Variants in SPMAP1 observed in about 807,000 individuals in gnomAD.
SPMAP1 encodes uncharacterized protein C17orf98.
At chr17:38,835,452 A>T in the SPMAP1 span, 1 of 1,203,636 alleles carries the variant, frequency 8.3e-7, no homozygotes, top group Non-Finnish European at 1.2e-6. Flanking sequence ...AGTCACTTGC[A>T]TTCCCCATGC....
At chr17:38,840,617 C>CAAAAAA in the SPMAP1 span, among the ~76,000 whole-genome samples, 75 of 48,722 alleles carry the variant, frequency 1.5e-3, 6 homozygotes, top group South Asian at 3.4e-3. Context: ...CCCCTCTCTA[C>CAAAAAA]AAAAAAAAAA....
chr17:38,840,314 CG>C, the SPMAP1 span, among the ~76,000 whole-genome samples: 3 of 152,080 alleles, frequency 2.0e-5, no homozygotes, highest in African/African-American at 7.2e-5. Flanking sequence ...AGAGAATTTG[CG>C]GTGTGAGGTC....
At chr17:38,835,169 T>A in the SPMAP1 span, 58 of 1,612,312 alleles carry the variant, frequency 3.6e-5, no homozygotes, top group African/African-American at 6.8e-4. Context: ...GGTCGATGGC[T>A]ATGAAGGGAA....
chr17:38,840,760 GGCACCACC>G, the SPMAP1 span, among the ~76,000 whole-genome samples: 2 of 151,800 alleles, frequency 1.3e-5, no homozygotes, highest in African/African-American at 4.8e-5. Flanking sequence ...GAGCCGTGAT[GGCACCACC>G]GCACTCCAGC....
At chr17:38,835,558 G>A in the SPMAP1 span, among the ~76,000 whole-genome samples, 1 of 152,190 alleles carries the variant, frequency 6.6e-6, no homozygotes, top group African/African-American at 2.4e-5. Context: ...ATAAAACCCC[G>A]CACCAGGAAT....
At chr17:38,841,183 C>G in the SPMAP1 span, 9 of 1,613,104 alleles carry the variant, frequency 5.6e-6, no homozygotes, top group Admixed American at 1.5e-4. Flanking sequence ...GCTCCTATAC[C>G]TGATCAGTTT....
chr17:38,841,211 A>T, the SPMAP1 span: 1 of 1,614,102 alleles, frequency 6.2e-7, no homozygotes, highest in Non-Finnish European at 8.5e-7. Context: ...AAGGGGCGGA[A>T]CCACGTGACT....
At chr17:38,840,653 A>T in the SPMAP1 span, among the ~76,000 whole-genome samples, 2 of 141,612 alleles carry the variant, frequency 1.4e-5, no homozygotes, top group African/African-American at 5.4e-5. Flanking sequence ...AAAAAAAAAA[A>T]AAATTAGCCC....
the SPMAP1 span, among the ~76,000 whole-genome samples, chr17:38,838,850 T>G: frequency 2.6e-3 from 390 of 151,736 alleles, 3 homozygotes; most frequent in African/African-American, 8.9e-3. Flanking sequence ...TTTGGGAGGC[T>G]GAGGCAGGTG....
the SPMAP1 span, chr17:38,841,159 G>T: frequency 1.3e-6 from 2 of 1,582,788 alleles, no homozygotes; most frequent in Non-Finnish European, 1.7e-6. Context: ...GAGGTGTGTG[G>T]GGTCTTCCGG....
the SPMAP1 span, chr17:38,835,365 GA>G: frequency 6.2e-7 from 1 of 1,613,822 alleles, no homozygotes; most frequent in Non-Finnish European, 8.5e-7. Context: ...CAAGGAGAGA[GA>G]GGCCTGAGCC....
chr17:38,836,577 C>CTTTTTTTTTTTTTTTTT, the SPMAP1 span, among the ~76,000 whole-genome samples: 1 of 89,194 alleles, frequency 1.1e-5, no homozygotes, highest in Non-Finnish European at 2.4e-5. Context: ...TTCTTTCTTT[C>CTTTTTTTTTTTTTTTTT]TTTCTTTCTT....
At chr17:38,839,478 A>AAAAAAG in the SPMAP1 span, among the ~76,000 whole-genome samples, 6 of 148,418 alleles carry the variant, frequency 4.0e-5, no homozygotes, top group Admixed American at 1.4e-4. Context: ...AAAAAAAAAA[A>AAAAAAG]AAAAGAAAAG....
At chr17:38,839,770 A>G in the SPMAP1 span, among the ~76,000 whole-genome samples, 2 of 152,124 alleles carry the variant, frequency 1.3e-5, no homozygotes, top group African/African-American at 4.8e-5. Context: ...ACTGCACTCC[A>G]GCCTGGGCGA....
chr17:38,840,048 C>T, the SPMAP1 span, among the ~76,000 whole-genome samples: 1 of 152,228 alleles, frequency 6.6e-6, no homozygotes, highest in East Asian at 1.9e-4. Flanking sequence ...CAAACAGTCT[C>T]GGAATCTTTG....
the SPMAP1 span, among the ~76,000 whole-genome samples, chr17:38,836,725 G>A: frequency 6.6e-6 from 1 of 151,476 alleles, no homozygotes; most frequent in Non-Finnish European, 1.5e-5. Flanking sequence ...CAAGTAGCTG[G>A]GATTCCAGGT....
the SPMAP1 span, chr17:38,841,306 A>G: frequency 2.5e-6 from 4 of 1,614,068 alleles, no homozygotes; most frequent in African/African-American, 5.3e-5. Flanking sequence ...AGCGCCCATA[A>G]GCGCGGGCAG....
At chr17:38,841,318 G>A in the SPMAP1 span, 2 of 1,614,040 alleles carry the variant, frequency 1.2e-6, no homozygotes, top group African/African-American at 1.3e-5. Flanking sequence ...CGCGGGCAGC[G>A]GTGCTCACAG....
At chr17:38,836,808 C>T in the SPMAP1 span, among the ~76,000 whole-genome samples, 1 of 151,870 alleles carries the variant, frequency 6.6e-6, no homozygotes, top group African/African-American at 2.4e-5. Context: ...GTTGGCCAGG[C>T]TGGTTTGGAA....
Sources: gnomAD v4.1 joint callset for allele counts (sites outside exome capture counted in the v4.1 genomes callset) on GRCh38, gnomAD v4.1.1 for gene constraint, MANE v1.5 for transcripts, NCBI Gene and HGNC (gene_info 2026-07-23, HGNC 2026-07-21) for gene names.